Variants in SLC35F6 observed in about 807,000 individuals in gnomAD.
SLC35F6 encodes ANT2-binding protein.
Under a neutral mutation model 29.4 loss-of-function variants are expected in SLC35F6, and 26 were observed. That is an observed-to-expected ratio of 0.89 (90% confidence interval 0.65 to 1.23). The LOEUF (loss-of-function observed/expected upper bound fraction) is 1.23, where lower values mean the gene tolerates loss of function less well. SLC35F6 is among the 50% of genes most tolerant of loss of function. The pLI is 0.00. For synonymous variants in SLC35F6, 174 were observed against 206.6 expected, an observed-to-expected ratio of 0.84 and a Z score of 1.35; for missense variants, 428 against 487.8, an observed-to-expected ratio of 0.88 and a Z score of 1.15.
Position 26,775,535 on chromosome 2 carries a change from T to G in SLC35F6, c.394T>G (p.Ser132Ala). ...AGTGATCATATTCACTGGCCTGTTC[T>G]CGGTGGCCTTCCTGGGCCGGAGGCT... is the stretch of plus-strand genomic sequence containing the variant. The part of the protein sequence containing the change: ...GAVIIFTGLF[S>A]VAFLGRRLVL... The change falls in exon 4 of 6, where the codon TCG (serine) becomes GCG (alanine). Residue 132 changes from serine (S) to alanine (A), a missense_variant. Physicochemically the swap from Ser to Ala is moderately conservative, Grantham distance 99. Transcript: ENST00000344420. The surrounding 1 kb of genome is among the most constrained non-coding windows in gnomAD (Gnocchi z 4.6). 1 of 1,611,076 alleles carries G rather than the reference T, an allele frequency of 6.2e-7. No individual in the cohort carries two copies. The highest frequency in any genetic ancestry group is 2.2e-5 in the East Asian group (1 of 44,874).
At position 26,776,606 on chromosome 2, in the gene SLC35F6, A is replaced by G. The variant is rs572643779; in HGVS notation, c.646+124A>G. 9 of 804,898 alleles carry G rather than the reference A, an allele frequency of 1.1e-5. No individual in the cohort carries two copies. The African/African-American group carries it at 1.4e-4, about 12-fold the overall frequency. 49.9% of individuals were successfully genotyped at this position (804,898 alleles called of 1,614,324 possible). A position where few individuals can be genotyped will look rare whatever the true frequency, so the allele number is the denominator to read the frequency against. On this transcript the variant is annotated intron_variant, in intron 5 of 5. Coordinates refer to ENST00000344420, the MANE Select transcript of SLC35F6 (RefSeq NM_017877.4). ...CTTCCTGCCCCGCCTTGCCTTCCAG[A>G]TGTGTTTTGACAAGTCTTCTGACAC...
In SLC35F6 at chr2:26,774,274, A is replaced by C. The variant is rs1664257646; in HGVS notation, c.101A>C (p.Glu34Ala). The C allele has an allele frequency of 6.2e-7, 1 of 1,613,920 alleles. No individual in the cohort carries two copies. ...SAKWADNFMA[E>A]GCGGSKEHSF... ...AGATGGGCGGACAATTTCATGGCCG[A>C]GGGCTGTGGAGGGAGCAAGGAGCAC... Residue 34 changes from glutamate to alanine, a missense_variant, in exon 2 of 6, where the codon GAG becomes GCG. Physicochemically the swap from Glu to Ala is moderately radical, Grantham distance 107 (BLOSUM62 -1). Coordinates refer to ENST00000344420, the MANE Select transcript of SLC35F6 (RefSeq NM_017877.4).
chr2:26,767,385 T>C (rs1430616172), intron 1 of SLC35F6, among the ~76,000 whole-genome samples: 1 of 152,188 alleles, frequency 6.6e-6, no homozygotes, highest in Admixed American at 6.5e-5. Context: ...TTTCTTGGCC[T>C]GTGACAAGAG....
chr2:26,779,454 AAACAG>A lies in SLC35F6; in HGVS notation c.*944_*948del, dbSNP rs1308954882. 6.6e-6 allele frequency: 1 copy of A among 152,164 alleles called. No individual in the cohort carries two copies. The highest frequency in any genetic ancestry group is 1.5e-5 in the Non-Finnish European group (1 of 68,054). 9.4% of individuals were successfully genotyped at this position (152,164 alleles called of 1,614,324 possible). A position where few individuals can be genotyped will look rare whatever the true frequency, so the allele number is the denominator to read the frequency against. On this transcript the variant is annotated 3_prime_UTR_variant, in exon 6 of 6. Transcript: ENST00000344420. The stretch of plus-strand genomic sequence containing the variant: ...GCCTGTGATCTTGACCAACCTGAGA[AAACAG>A]TAACAGCCCATCCACTGGAAATACC...
intron 1 of SLC35F6, among the ~76,000 whole-genome samples, chr2:26,767,576 C>T (rs1292540520): frequency 6.6e-6 from 1 of 152,204 alleles, no homozygotes; most frequent in African/African-American, 2.4e-5. Context: ...TGGCTGTTTT[C>T]TCAAAACCTC....
chr2:26,764,476 G>A (rs1664058648), intron 1 of SLC35F6, 50 bp downstream of exon 1: 1 of 1,544,540 alleles, frequency 6.5e-7, no homozygotes, highest in Non-Finnish European at 8.8e-7. Flanking sequence ...CCCGGCGCTC[G>A]TTCTACGCCT....
At chr2:26,765,176 C>CAACT (rs1664075343) in intron 1 of SLC35F6, among the ~76,000 whole-genome samples, 1 of 152,210 alleles carries the variant, frequency 6.6e-6, no homozygotes, top group Non-Finnish European at 1.5e-5. Flanking sequence ...AAGGAAGGGA[C>CAACT]AACTGGTGGC....
chr2:26,776,111 CT>C (rs1664295686), intron 4 of SLC35F6, among the ~76,000 whole-genome samples: 1 of 152,212 alleles, frequency 6.6e-6, no homozygotes, highest in African/African-American at 2.4e-5. Context: ...ATCTCAAAGC[CT>C]GTTGCTTCTT....
Position 26,778,055 on chromosome 2 carries a change from T to G in SLC35F6, c.660T>G (p.Phe220Leu). ...RAVGTEGLFG[F>L]VILSLLLVPM... ...TCTACTCCCCAGGCCTCTTTGGCTTTGTGATCCTCTCCCTGCTGCTGGTGC... is the reference window on the plus strand; with the variant it reads ...TCTACTCCCCAGGCCTCTTTGGCTTGGTGATCCTCTCCCTGCTGCTGGTGC... Residue 220 changes from phenylalanine to leucine, a missense_variant, in exon 6 of 6, where the codon TTT becomes TTG. Coordinates refer to ENST00000344420, the MANE Select transcript of SLC35F6 (RefSeq NM_017877.4). 9 of 1,611,310 alleles carry G rather than the reference T, an allele frequency of 5.6e-6. No homozygotes were observed. The highest frequency in any genetic ancestry group is 7.6e-6 in the Non-Finnish European group (9 of 1,177,718).
In SLC35F6 at chr2:26,764,299, G is replaced by A; in HGVS notation, c.-51G>A. On this transcript the variant is annotated 5_prime_UTR_variant, in exon 1 of 6. Transcript: ENST00000344420. ...GGAAGCGCTCGCGCAGGAGACCCCG[G>A]GTGACGGGGCCCGGCGCCGCTAACT... 1 of 1,544,168 alleles carries A rather than the reference G, an allele frequency of 6.5e-7. No individual in the cohort carries two copies. The highest frequency in any genetic ancestry group is 8.7e-7 in the Non-Finnish European group (1 of 1,143,614).
chr2:26,778,655 A>G lies in SLC35F6; in HGVS notation c.*144A>G, dbSNP rs1664352326. 5.3e-6 allele frequency: 4 copies of G among 760,806 alleles called. No individual in the cohort carries two copies. Among genetic ancestry groups the G allele is most frequent in the Non-Finnish European group, 8.2e-6 (4 of 486,376 alleles). The allele number at this position is 760,806 out of a possible 1,614,324, so 47.1% of individuals were successfully genotyped here. On this transcript the variant is annotated 3_prime_UTR_variant, in exon 6 of 6. Transcript: ENST00000344420. Reference sequence around the variant, plus strand: ...GAACCCCCAGGGCAGCTGCTGCCACAGAAGATAACAACACCCAAGTCCTCT... The same window carrying G: ...GAACCCCCAGGGCAGCTGCTGCCACGGAAGATAACAACACCCAAGTCCTCT...
At chr2:26,764,538 C>T (rs1198950515) in intron 1 of SLC35F6, 112 bp downstream of exon 1, 2 of 1,356,380 alleles carry the variant, frequency 1.5e-6, no homozygotes, top group African/African-American at 1.5e-5. Flanking sequence ...CCACTTGCTC[C>T]GGTCAGTTCG....
rs573011827 is a variant in SLC35F6 at position 26,778,920 on chromosome 2, C to T, written c.*409C>T. The T allele has an allele frequency of 6.0e-4, 108 of 179,722 alleles. No individual in the cohort carries two copies. The highest frequency in any genetic ancestry group is 2.5e-3 in the African/African-American group (108 of 42,562). 11.1% of individuals were successfully genotyped at this position (179,722 alleles called of 1,614,324 possible). ...AGAAAAGTCAGTGAGCAAATTTAAA[C>T]CAGAACTAAGCATTATATTTTCTTT... On this transcript the variant is annotated 3_prime_UTR_variant, in exon 6 of 6. Transcript: ENST00000344420.
chr2:26,780,499 T>C lies in SLC35F6; in HGVS notation c.*1988T>C, dbSNP rs1017046173. On this transcript the variant is annotated 3_prime_UTR_variant, in exon 6 of 6. Transcript: ENST00000344420. ...ATCCTGGGCGTTGCGTTAAGTTGCT[T>C]AACTTTCATTCTGTCTTACGATAGT... 5 of 152,206 alleles carry C rather than the reference T, an allele frequency of 3.3e-5. No individual in the cohort carries two copies. The highest frequency in any genetic ancestry group is 1.2e-4 in the African/African-American group (5 of 41,450). 9.4% of individuals were successfully genotyped at this position (152,206 alleles called of 1,614,324 possible).
At position 26,778,735 on chromosome 2, in the gene SLC35F6, C is replaced by G. The variant is rs1315856706; in HGVS notation, c.*224C>G. 3 of 549,646 alleles carry G rather than the reference C, an allele frequency of 5.5e-6. No individual in the cohort carries two copies. The highest frequency in any genetic ancestry group is 9.6e-6 in the Non-Finnish European group (3 of 310,938). 34.0% of individuals were successfully genotyped at this position (549,646 alleles called of 1,614,324 possible). On this transcript the variant is annotated 3_prime_UTR_variant, in exon 6 of 6. Coordinates refer to ENST00000344420, the MANE Select transcript of SLC35F6 (RefSeq NM_017877.4). The stretch of plus-strand genomic sequence containing the variant: ...TACCCAGCCCCCACAAGCCTGAGTG[C>G]AGTGGCAGACCTCAGCTCTCTGGAC...
chr2:26,764,971 T>G (rs1664071183), intron 1 of SLC35F6: 13 of 985,428 alleles, frequency 1.3e-5, no homozygotes, highest in Non-Finnish European at 1.6e-5. Context: ...CAGATCAAAG[T>G]CGATTGTAAC....
chr2:26,768,487 G>C (rs190050910), intron 1 of SLC35F6, among the ~76,000 whole-genome samples: 1 of 151,040 alleles, frequency 6.6e-6, no homozygotes, highest in East Asian at 2.0e-4. Context: ...TCAGCCTCCT[G>C]AGTAACTGGG....
In SLC35F6 at chr2:26,779,779, G is replaced by A. The variant is rs920467329; in HGVS notation, c.*1268G>A. 6.7e-6 allele frequency: 1 copy of A among 148,782 alleles called. No individual in the cohort carries two copies. Among genetic ancestry groups the A allele is most frequent in the African/African-American group, 2.5e-5 (1 of 40,164 alleles). The allele number at this position is 148,782 out of a possible 1,614,324, so 9.2% of individuals were successfully genotyped here. On this transcript the variant is annotated 3_prime_UTR_variant, in exon 6 of 6. Transcript: ENST00000344420. Reference sequence around the variant, plus strand: ...GATCCACCTGCCTCAGCCTCCCAAAGTGCTGGGGTTACAGGCATGAGCCAC... The same window carrying A: ...GATCCACCTGCCTCAGCCTCCCAAAATGCTGGGGTTACAGGCATGAGCCAC...
chr2:26,774,333 C>T lies in SLC35F6; in HGVS notation c.150+10C>T, dbSNP rs373415480. ...GCATCCCTTCCTCCAGGTATCTGGC[C>T]CTGTCCCTCCTACCTCCTGTCTCCC... On this transcript the variant is annotated intron_variant, in intron 2 of 5. Transcript: ENST00000344420. The T allele has an allele frequency of 1.1e-5, 18 of 1,613,704 alleles. No homozygotes were observed. The highest frequency in any genetic ancestry group is 1.7e-5 in the Admixed American group (1 of 59,984).
Sources: gnomAD v4.1 joint callset for allele counts (sites outside exome capture counted in the v4.1 genomes callset) on GRCh38, gnomAD v4.1.1 for gene constraint, Gnocchi (gnomAD v3.1) non-coding constraint, MANE v1.5 for transcripts, NCBI Gene and HGNC (gene_info 2026-07-23, HGNC 2026-07-21) for gene names.